TOLLIP: variants seen among roughly 807,000 people sequenced by gnomAD.
TOLLIP encodes the protein toll-interacting protein.
TOLLIP carries 16 observed loss-of-function variants against 33.5 expected under a neutral mutation model. That is an observed-to-expected ratio of 0.48 (90% CI 0.32 to 0.72). TOLLIP has a LOEUF of 0.72. Among genes scored for constraint, TOLLIP ranks in the 30% least tolerant of loss-of-function variants. The pLI is 0.03. For missense variants in TOLLIP, 325 were observed against 396.6 expected (o/e 0.82, Z 1.53); for synonymous variants, 176 against 163.7 (o/e 1.07, Z -0.57).
At position 1,290,201 on chromosome 11, in the gene TOLLIP, C is replaced by T; in HGVS notation, c.366+26G>A. 1 of 1,607,422 alleles carries T rather than the reference C, an allele frequency of 6.2e-7. No homozygotes were observed. ...GCCACGCTCAGCCACGTGCAGCCTC[C>T]ATAATAGCTGGCACGTCCCTCTCAC... On this transcript the variant is annotated intron_variant, in intron 3 of 5. Transcript: ENST00000317204. The surrounding 1 kb of genome is among the most constrained non-coding windows in gnomAD (Gnocchi z 4.9).
At chr11:1,283,706 G>A (rs891999868) in intron 5 of TOLLIP, 16 of 393,196 alleles carry the variant, frequency 4.1e-5, no homozygotes, top group Non-Finnish European at 6.6e-5. Flanking sequence ...CCAGAAAGAG[G>A]TAAGCCAATC....
intron 3 of TOLLIP, among the ~76,000 whole-genome samples, chr11:1,289,085 T>C (rs1863847025): frequency 6.6e-6 from 1 of 152,206 alleles, no homozygotes; most frequent in Non-Finnish European, 1.5e-5. Context: ...TCAGGGACAC[T>C]GGCTGCTCCT....
rs1447385145 is a variant in TOLLIP, at chr11:1,276,768, GAGA to G, written c.*268_*270del. On this transcript the variant is annotated 3_prime_UTR_variant, in exon 6 of 6. Transcript: ENST00000317204. ...GCAAGAGCATTTTCCAGAACGGCAT[GAGA>G]AGGAGAGACGCACGTCCCAGGGACA... is the stretch of plus-strand genomic sequence containing the variant. 1.2e-5 allele frequency: 18 copies of G among 1,502,776 alleles called. No individual in the cohort carries two copies. The highest frequency in any genetic ancestry group is 8.4e-5 in the South Asian group (7 of 82,916). 93.1% of individuals were successfully genotyped at this position (1,502,776 alleles called of 1,614,324 possible).
intron 5 of TOLLIP, among the ~76,000 whole-genome samples, chr11:1,282,262 G>A (rs187500542): frequency 2.4e-4 from 37 of 152,250 alleles, no homozygotes; most frequent in Admixed American, 1.2e-3. Context: ...GCCTGAGGGG[G>A]CTCCCTCTGG....
chr11:1,290,301 G>A lies in TOLLIP; in HGVS notation c.292C>T (p.Pro98Ser). ...TPTAHNGAKNPRWNKVIHCTV... is the reference protein window; with the variant it reads ...TPTAHNGAKNSRWNKVIHCTV... ...CAGTGGATGACCTTATTCCAGCGGG[G>A]ATTCTTGGCGCCATTGTGTGCCGTG... The change falls in exon 3 of 6, where the codon CCC becomes TCC. Residue 98 changes from proline to serine, a missense_variant. Pro to Ser is a moderately conservative substitution (Grantham distance 74). Transcript: ENST00000317204. The surrounding 1 kb of genome is among the most constrained non-coding windows in gnomAD (Gnocchi z 4.9). 2.5e-6 allele frequency: 4 copies of A among 1,613,670 alleles called. No homozygotes were observed. The highest frequency in any genetic ancestry group is 3.4e-6 in the Non-Finnish European group (4 of 1,179,986).
In TOLLIP at chr11:1,290,754, G is replaced by A. The variant is rs1429456201; in HGVS notation, c.184-345C>T. On this transcript the variant is annotated intron_variant, in intron 2 of 5. Transcript: ENST00000317204. This position sits in a 1 kb window ranked among gnomAD's most constrained non-coding sequence, Gnocchi z 4.9. ...GAAGTGGCTGAGGAGGGAAAGAGGA[G>A]GAGGTCCCGGGACAGAGCTGAGAGC... is the stretch of plus-strand genomic sequence containing the variant. Among the ~76,000 whole-genome samples, 10 of 152,110 alleles carry A rather than the reference G, an allele frequency of 6.6e-5. No individual in the cohort carries two copies.
Position 1,277,320 on chromosome 11 carries a change from TGAAG to T in TOLLIP, c.611-71_611-68del. 1 of 1,328,868 alleles carries T rather than the reference TGAAG, an allele frequency of 7.5e-7. No individual in the cohort carries two copies. Among genetic ancestry groups the T allele is most frequent in the Non-Finnish European group, 1.0e-6 (1 of 984,754 alleles). The allele number at this position is 1,328,868 out of a possible 1,614,324, so 82.3% of individuals were successfully genotyped here. A position where few individuals can be genotyped will look rare whatever the true frequency, so the allele number is the denominator to read the frequency against. Reference sequence around the variant, plus strand: ...CCAGAAGTGCCACACTAGCTCCTGCTGAAGGAAGAAAACAACGCATCCCACCGGC... The same window carrying T: ...CCAGAAGTGCCACACTAGCTCCTGCTGAAGAAAACAACGCATCCCACCGGC... On this transcript the variant is annotated intron_variant, in intron 5 of 5. Transcript: ENST00000317204. This position sits in a 1 kb window ranked among gnomAD's most constrained non-coding sequence, Gnocchi z 4.2.
chr11:1,298,733 C>T (rs1010002781), intron 1 of TOLLIP, among the ~76,000 whole-genome samples: 6 of 152,230 alleles, frequency 3.9e-5, no homozygotes, highest in African/African-American at 7.2e-5. Flanking sequence ...CTCATCAGCC[C>T]CACGCAGCCC....
chr11:1,286,185 G>A lies in TOLLIP; in HGVS notation c.520-93C>T, dbSNP rs1416859581. 1.3e-5 allele frequency: 13 copies of A among 973,276 alleles called. 1 individual carries two copies. Among genetic ancestry groups the A allele is most frequent in the South Asian group, 3.1e-5 (2 of 64,626 alleles). 60.3% of individuals were successfully genotyped at this position (973,276 alleles called of 1,614,324 possible). On this transcript the variant is annotated intron_variant, in intron 4 of 5. Coordinates refer to ENST00000317204, the MANE Select transcript of TOLLIP (RefSeq NM_019009.4). ...CCCTCCCCACAATTGCCCTCCCCACGCCAGCCCAGAATCGCCCTCCCCATG... is the reference window on the plus strand; with the variant it reads ...CCCTCCCCACAATTGCCCTCCCCACACCAGCCCAGAATCGCCCTCCCCATG...
At chr11:1,285,978 C>T (rs763213773) in intron 5 of TOLLIP, 24 bp downstream of exon 5, 3 of 1,567,110 alleles carry the variant, frequency 1.9e-6, no homozygotes, top group South Asian at 2.3e-5. Flanking sequence ...AGGGGAGAGG[C>T]ACCCAGGGAG....
At chr11:1,283,722 TA>T (rs1232303813) in intron 5 of TOLLIP, 3 of 381,836 alleles carry the variant, frequency 7.9e-6, no homozygotes, top group African/African-American at 4.2e-5. Flanking sequence ...CAATCAATGT[TA>T]TCTGTCATCT....
At chr11:1,304,891 C>CTA (rs1864385253) in intron 1 of TOLLIP, among the ~76,000 whole-genome samples, 1 of 152,234 alleles carries the variant, frequency 6.6e-6, no homozygotes, top group East Asian at 1.9e-4. Context: ...CATCTCTTAA[C>CTA]TAGAAAGATG....
Position 1,295,651 on chromosome 11 carries a change from C to G in TOLLIP, c.177G>C (p.Val59=). ...VGTVGRLNIT[V]VQAKLAKNYG... is the part of the protein sequence containing the mutation. ...AGGGTGCCCCAAGGCCCACCTGTAC[C>G]ACCGTGATGTTCAGTCGGCCCACGG... Residue 59 remains valine (V), a synonymous_variant, in exon 2 of 6, where the codon GTG becomes GTC. Coordinates refer to ENST00000317204, the MANE Select transcript of TOLLIP (RefSeq NM_019009.4). The G allele has an allele frequency of 1.9e-6, 3 of 1,578,308 alleles. No homozygotes were observed. Among genetic ancestry groups the G allele is most frequent in the Non-Finnish European group, 2.6e-6 (3 of 1,155,748 alleles).
rs766414183 is a variant in TOLLIP, at chr11:1,277,201, G to A, written c.663C>T (p.Ala221=). ...PGMVPVALPP[A]AVNAQPRCSE... ...TACAGCGGGGCTGGGCGTTCACGGC[G>A]GCCGGGGGCAGGGCCACGGGCACCA... is the stretch of plus-strand genomic sequence containing the variant. The change falls in exon 6 of 6, where the codon GCC becomes GCT. Residue 221 remains alanine, a synonymous_variant. Coordinates refer to ENST00000317204, the MANE Select transcript of TOLLIP (RefSeq NM_019009.4). The surrounding 1 kb of genome is among the most constrained non-coding windows in gnomAD (Gnocchi z 4.2). 2.6e-5 allele frequency: 42 copies of A among 1,598,344 alleles called. No individual in the cohort carries two copies. Among genetic ancestry groups the A allele is most frequent in the Middle Eastern group, 3.3e-4 (2 of 6,028 alleles).
chr11:1,308,604 G>A (rs1346932272), intron 1 of TOLLIP, among the ~76,000 whole-genome samples: 1 of 152,244 alleles, frequency 6.6e-6, no homozygotes, highest in East Asian at 1.9e-4. Flanking sequence ...CAATATTAAT[G>A]CTATAGAAGA....
At position 1,288,869 on chromosome 11, in the gene TOLLIP, GTCTTATC is replaced by G; in HGVS notation, c.367-100_367-94del. 20 of 1,408,124 alleles carry G rather than the reference GTCTTATC, an allele frequency of 1.4e-5. No homozygotes were observed. The Admixed American group carries it at 4.0e-4, about 28-fold the overall frequency. The allele number at this position is 1,408,124 out of a possible 1,614,324, so 87.2% of individuals were successfully genotyped here. ...CATCGTGGGCCCGCCTCGAGTCCCC[GTCTTATC>G]TGTGGAACAGGGCTCCCACCTGCAC... is the stretch of plus-strand genomic sequence containing the variant. On this transcript the variant is annotated intron_variant, in intron 3 of 5. Transcript: ENST00000317204.
intron 3 of TOLLIP, among the ~76,000 whole-genome samples, chr11:1,289,685 C>T (rs942353943): frequency 5.2e-5 from 7 of 133,366 alleles, no homozygotes; most frequent in South Asian, 2.5e-4. Context: ...CCAGTGGACA[C>T]GTGCACACTC....
chr11:1,282,556 C>T (rs1863536437), intron 5 of TOLLIP, among the ~76,000 whole-genome samples: 1 of 152,016 alleles, frequency 6.6e-6, no homozygotes, highest in Admixed American at 6.5e-5. Flanking sequence ...GGCACACCAA[C>T]ATGGCACACG....
Position 1,290,412 on chromosome 11 carries a change from G to A in TOLLIP, c.184-3C>T. 2 of 1,609,778 alleles carry A rather than the reference G, an allele frequency of 1.2e-6. No individual in the cohort carries two copies. The highest frequency in any genetic ancestry group is 2.2e-5 in the South Asian group (2 of 91,030). On this transcript the variant is annotated splice_polypyrimidine_tract_variant and splice_region_variant and intron_variant, in intron 2 of 5. Transcript: ENST00000317204. This position sits in a 1 kb window ranked among gnomAD's most constrained non-coding sequence, Gnocchi z 4.9. ...CCGTAATTCTTGGCCAACTTTGCCTGGAATGAAGCCAATGTCAGGAAAAGG... is the reference window on the plus strand; with the variant it reads ...CCGTAATTCTTGGCCAACTTTGCCTAGAATGAAGCCAATGTCAGGAAAAGG...
Sources: allele counts gnomAD v4.1 joint callset (sites outside exome capture counted in the v4.1 genomes callset), GRCh38; gene constraint gnomAD v4.1.1; non-coding constraint Gnocchi (gnomAD v3.1); transcripts MANE v1.5; gene names NCBI Gene and HGNC (gene_info 2026-07-23, HGNC 2026-07-21).